SAE1: variants seen among roughly 807,000 people sequenced by gnomAD.
SAE1 encodes the protein SUMO1 activating enzyme subunit 1.
Under a neutral mutation model 40.6 loss-of-function variants are expected in SAE1, and 11 were observed. The observed-to-expected ratio is 0.27, with a 90% CI of 0.17 to 0.45. The LOEUF is 0.45. SAE1 is among the 20% of genes least tolerant of loss of function. SAE1 has a pLI of 1.00. For missense variants in SAE1, 373 were observed against 427.3 expected, an observed-to-expected ratio of 0.87 and a Z score of 1.12; for synonymous variants, 155 against 154.3, an observed-to-expected ratio of 1.00 and a Z score of -0.03.
intron 1 of SAE1, among the ~76,000 whole-genome samples, chr19:47,135,360 G>T (rs143274777): frequency 6.2e-4 from 94 of 152,018 alleles, no homozygotes; most frequent in Non-Finnish European, 5.6e-4. Flanking sequence ...GTAACCCTCA[G>T]TCTACTATCT....
chr19:47,156,212 A>G (rs1421773129), intron 5 of SAE1, among the ~76,000 whole-genome samples: 1 of 151,686 alleles, frequency 6.6e-6, no homozygotes, highest in Admixed American at 6.6e-5. Context: ...TGGAGGCTGC[A>G]GTGAGCCATG....
At chr19:47,146,713 C>G (rs573631688) in intron 2 of SAE1, among the ~76,000 whole-genome samples, 1 of 152,168 alleles carries the variant, frequency 6.6e-6, no homozygotes, top group African/African-American at 2.4e-5. Flanking sequence ...GTTAGTGGTA[C>G]GGCCGGGACC....
At chr19:47,131,366 G>C (rs530660533) in intron 1 of SAE1, among the ~76,000 whole-genome samples, 1 of 152,186 alleles carries the variant, frequency 6.6e-6, no homozygotes, top group Non-Finnish European at 1.5e-5. Context: ...AGGGGCTGGG[G>C]ATACGTGGAA....
intron 5 of SAE1, among the ~76,000 whole-genome samples, chr19:47,160,865 C>G (rs1211513530): frequency 2.0e-5 from 3 of 152,046 alleles, no homozygotes; most frequent in African/African-American, 7.3e-5. Context: ...CTACTTGGTT[C>G]AAAGGAGTGG....
intron 2 of SAE1, among the ~76,000 whole-genome samples, chr19:47,147,614 G>A (rs1451099258): frequency 1.1e-4 from 17 of 150,436 alleles, no homozygotes; most frequent in African/African-American, 2.9e-4. Flanking sequence ...CACCACACCC[G>A]GCTAATTTTT....
intron 5 of SAE1, among the ~76,000 whole-genome samples, chr19:47,165,044 C>A (rs2058383741): frequency 6.7e-6 from 1 of 148,358 alleles, no homozygotes; most frequent in South Asian, 2.1e-4. Flanking sequence ...CTTGGCCTCC[C>A]AAAGTGCTGG....
intron 5 of SAE1, among the ~76,000 whole-genome samples, chr19:47,160,388 ATTTTTTTT>A (rs34266912): frequency 6.7e-5 from 5 of 75,080 alleles, no homozygotes; most frequent in Admixed American, 3.4e-4. Context: ...CGCCCAGCTA[ATTTTTTTT>A]TTTTTTTTTT....
intron 6 of SAE1, among the ~76,000 whole-genome samples, chr19:47,194,823 A>G (rs1266780739): frequency 6.8e-6 from 1 of 146,126 alleles, no homozygotes; most frequent in Non-Finnish European, 1.5e-5. Flanking sequence ...ATCTCAGCTC[A>G]CTGCAACCTC....
intron 1 of SAE1, among the ~76,000 whole-genome samples, chr19:47,141,813 A>G (rs765960161): frequency 2.0e-5 from 3 of 152,214 alleles, no homozygotes; most frequent in Non-Finnish European, 2.9e-5. Context: ...CCTTTTCAGT[A>G]TGAATAATAC....
chr19:47,182,600 G>A (rs909457247), intron 6 of SAE1, among the ~76,000 whole-genome samples: 10 of 152,020 alleles, frequency 6.6e-5, no homozygotes, highest in Non-Finnish European at 1.5e-4. Context: ...AAACAGGAGA[G>A]GTGAGGAGAA....
chr19:47,140,134 C>A (rs910932843), intron 1 of SAE1, among the ~76,000 whole-genome samples: 1 of 148,662 alleles, frequency 6.7e-6, no homozygotes, highest in Non-Finnish European at 1.5e-5. Flanking sequence ...TGAAACAGAC[C>A]CTTGTTCTGT....
rs376278271 is a variant in SAE1, at chr19:47,191,947, G to A, written c.734-5286G>A. 9.9e-5 allele frequency among the ~76,000 whole-genome samples: 15 copies of A among 151,800 alleles called. 2 individuals carry two copies. Among genetic ancestry groups the A allele is most frequent in the Admixed American group, 2.6e-4 (4 of 15,262 alleles). On this transcript the variant is annotated intron_variant, in intron 6 of 8. Transcript: ENST00000270225. ...TGGCCGCCTGTAGTCCCAGCTACTC[G>A]GGAGGCTGAGGCAGGAGAATGGCGT...
At chr19:47,136,485 T>C (rs2058180761) in intron 1 of SAE1, among the ~76,000 whole-genome samples, 1 of 141,878 alleles carries the variant, frequency 7.0e-6, no homozygotes, top group South Asian at 2.2e-4. Context: ...ATTGCATTTT[T>C]ACCCGAGTCT....
intron 1 of SAE1, among the ~76,000 whole-genome samples, chr19:47,139,333 C>T (rs905691162): frequency 1.3e-5 from 2 of 151,790 alleles, no homozygotes; most frequent in African/African-American, 2.4e-5. Flanking sequence ...TGAGTCGCCG[C>T]GCCTGGCACA....
intron 5 of SAE1, among the ~76,000 whole-genome samples, chr19:47,159,453 C>T (rs148547386): frequency 3.9e-5 from 6 of 152,118 alleles, no homozygotes; most frequent in Admixed American, 2.6e-4. Context: ...ACTCCTAGTC[C>T]AGTGTGTAGC....
At position 47,172,012 on chromosome 19, in the gene SAE1, C is replaced by T. The variant is rs116534371; in HGVS notation, c.733+2089C>T. 3.9e-3 allele frequency among the ~76,000 whole-genome samples: 600 copies of T among 152,238 alleles called. 5 individuals carry two copies. Among genetic ancestry groups the T allele is most frequent in the African/African-American group, 0.014 (570 of 41,544 alleles). On this transcript the variant is annotated intron_variant, in intron 6 of 8. Coordinates refer to ENST00000270225, the MANE Select transcript of SAE1 (RefSeq NM_005500.3). ...TTGGCTCACTGCAACCTCCACCTCC[C>T]GGTTCAAACAGTTTCCCCGCCTCAG... is the stretch of plus-strand genomic sequence containing the variant.
intron 1 of SAE1, among the ~76,000 whole-genome samples, chr19:47,138,147 A>G (rs1490008482): frequency 6.6e-6 from 1 of 151,226 alleles, no homozygotes; most frequent in Non-Finnish European, 1.5e-5. Context: ...GGGTTCAGGC[A>G]ATTCTCCTGC....
chr19:47,197,339 G>A lies in SAE1; in HGVS notation c.840G>A (p.Leu280=). 6.2e-7 allele frequency: 1 copy of A among 1,614,066 alleles called. No homozygotes were observed. Residue 280 remains leucine (L), a synonymous_variant, in exon 7 of 9, where the codon CTG becomes CTA. Coordinates refer to ENST00000270225, the MANE Select transcript of SAE1 (RefSeq NM_005500.3). The part of the protein sequence containing the change: ...LQIRNDVLDS[L]GISPDLLPED... ...TACGAAATGATGTGCTTGACTCACT[G>A]GGTATTAGTCCTGACCTGCTTCCTG... is the stretch of plus-strand genomic sequence containing the variant.
chr19:47,159,680 A>AT (rs1040479545), intron 5 of SAE1, among the ~76,000 whole-genome samples: 7 of 151,828 alleles, frequency 4.6e-5, no homozygotes, highest in African/African-American at 1.7e-4. Context: ...CACCTGGCTA[A>AT]TTTTTAATTT....
Sources: allele counts gnomAD v4.1 joint callset (sites outside exome capture counted in the v4.1 genomes callset), GRCh38; gene constraint gnomAD v4.1.1; transcripts MANE v1.5; gene names NCBI Gene and HGNC (gene_info 2026-07-23, HGNC 2026-07-21).